The following PSPC1 variants were observed in gnomAD, a reference collection of about 807,000 sequenced individuals.
The protein encoded by PSPC1 is paraspeckle protein 1.
PSPC1 carries 14 observed loss-of-function variants against 51.6 expected under a neutral mutation model. The ratio of observed to expected loss-of-function variants is 0.27; its 90% CI spans 0.18 to 0.42. PSPC1 has a LOEUF of 0.42. PSPC1 is among the 10% of genes least tolerant of loss of function. The pLI, the probability that PSPC1 is intolerant of heterozygous loss-of-function variation, is 1.00. For missense variants in PSPC1, 406 were observed against 701.1 expected, an observed-to-expected ratio of 0.58 and a Z score of 4.75; for synonymous variants, 193 against 231.9, an observed-to-expected ratio of 0.83 and a Z score of 1.53.
chr13:19,689,153 G>C (rs1878272304), intron 6 of PSPC1, among the ~76,000 whole-genome samples: 1 of 152,184 alleles, frequency 6.6e-6, no homozygotes, highest in African/African-American at 2.4e-5. Context: ...ATCCAACCCA[G>C]AGAAGCACTG....
rs114194734 is a variant in PSPC1, at chr13:19,691,576, T to C, written c.1159-13753A>G. On this transcript the variant is annotated intron_variant and NMD_transcript_variant, in intron 6 of 7. Transcript: ENST00000471658. ...AATAAATATACTGATAAAATTGACA[T>C]GAATGAAAAGACTTGATGGGAAACT... is the stretch of plus-strand genomic sequence containing the variant. Among the ~76,000 whole-genome samples the C allele has an allele frequency of 2.2e-3, 338 of 151,922 alleles. 1 individual carries two copies. The highest frequency in any genetic ancestry group is 8.1e-3 in the African/African-American group (335 of 41,442).
At chr13:19,752,377 A>G (rs1185816308) in intron 3 of PSPC1, among the ~76,000 whole-genome samples, 1 of 152,160 alleles carries the variant, frequency 6.6e-6, no homozygotes, top group Non-Finnish European at 1.5e-5. Context: ...ATTACCAAAT[A>G]AAGGGCTATG....
At chr13:19,720,297 T>C (rs1882606899) in intron 6 of PSPC1, among the ~76,000 whole-genome samples, 1 of 152,142 alleles carries the variant, frequency 6.6e-6, no homozygotes, top group African/African-American at 2.4e-5. Flanking sequence ...CCATCATAAC[T>C]GGCCAGGTCA....
chr13:19,751,503 T>G (rs541200300), intron 3 of PSPC1, 36 bp from the exon 4 acceptor site: 2 of 1,382,752 alleles, frequency 1.4e-6, no homozygotes, highest in African/African-American at 2.9e-5. Flanking sequence ...AATGTATGCT[T>G]AAAAGGTAAA....
downstream of PSPC1, chr13:19,672,113 CAT>C (rs2137549825): frequency 2.1e-6 from 1 of 478,772 alleles, no homozygotes; most frequent in Non-Finnish European, 3.7e-6. Flanking sequence ...GTGGATAGTA[CAT>C]ATGAGGATTA....
intron 6 of PSPC1, among the ~76,000 whole-genome samples, chr13:19,710,513 A>G (rs1404136251): frequency 1.3e-5 from 2 of 152,232 alleles, no homozygotes. Flanking sequence ...TGTTTAAAGA[A>G]AGCATAATTA....
rs559720540 is a variant in PSPC1, at chr13:19,766,787, TGAGGCTGCAAC to T, written c.674+5444_674+5454del. On this transcript the variant is annotated intron_variant, in intron 2 of 8. Coordinates refer to ENST00000338910, the MANE Select transcript of PSPC1 (RefSeq NM_001354909.2). ...GGAGGATGACTTGAGCCTAGCAGGT[TGAGGCTGCAAC>T]GAGCTGTGATAATGCCACTGCGCTC... 4.5e-3 allele frequency among the ~76,000 whole-genome samples: 687 copies of T among 151,546 alleles called. 5 individuals are homozygous for T. The highest frequency in any genetic ancestry group is 0.027 in the South Asian group (128 of 4,820).
At chr13:19,715,621 C>T (rs970179256) in intron 6 of PSPC1, among the ~76,000 whole-genome samples, 3 of 152,266 alleles carry the variant, frequency 2.0e-5, no homozygotes, top group East Asian at 1.9e-4. Context: ...CTGAGCCAGG[C>T]ATAGTGGTTC....
chr13:19,736,421 A>C (rs145173572), intron 5 of PSPC1, among the ~76,000 whole-genome samples: 8,040 of 152,038 alleles, frequency 0.053, 286 homozygotes, highest in South Asian at 0.12. Context: ...CAGTGGCTCA[A>C]GCCTGTAATC....
chr13:19,704,414 C>A (rs1271933318), intron 8 of PSPC1, among the ~76,000 whole-genome samples: 4 of 152,274 alleles, frequency 2.6e-5, no homozygotes, highest in African/African-American at 9.6e-5. Flanking sequence ...ATGCTGCATT[C>A]AACTCTAAGA....
chr13:19,742,054 C>G (rs1356189068), intron 4 of PSPC1, among the ~76,000 whole-genome samples: 1 of 152,160 alleles, frequency 6.6e-6, no homozygotes, highest in Admixed American at 6.5e-5. Context: ...ATCACTTGAA[C>G]CCGGGAGGTG....
intron 6 of PSPC1, among the ~76,000 whole-genome samples, chr13:19,679,480 A>C (rs1439803347): frequency 2.6e-5 from 4 of 152,186 alleles, no homozygotes; most frequent in Non-Finnish European, 5.9e-5. Context: ...TGGGCTACAG[A>C]GCAAGACCCT....
At chr13:19,721,707 T>C (rs1440265899) in intron 6 of PSPC1, among the ~76,000 whole-genome samples, 2 of 152,204 alleles carry the variant, frequency 1.3e-5, no homozygotes, top group Non-Finnish European at 2.9e-5. Context: ...GCACTATGTT[T>C]TGAATACAGG....
At chr13:19,683,072 GA>G (rs1452161297) in intron 6 of PSPC1, among the ~76,000 whole-genome samples, 1 of 150,860 alleles carries the variant, frequency 6.6e-6, no homozygotes, top group African/African-American at 2.4e-5. Flanking sequence ...TGTCTCAAAA[GA>G]AAAAAAGAAA....
Position 19,782,386 on chromosome 13 carries a change from C to A in PSPC1, c.372G>T (p.Leu124Phe). Residue 124 changes from leucine (L) to phenylalanine (F), a missense_variant and splice_region_variant, in exon 1 of 9, where the codon TTG becomes TTT. Physicochemically the swap from Leu to Phe is conservative, Grantham distance 22 (BLOSUM62 0). Transcript: ENST00000338910. This position sits in a 1 kb window ranked among gnomAD's most constrained non-coding sequence, Gnocchi z 4.5. ...NRDRGFGFIRLESRTLAEIAK... is the reference protein window; with the variant it reads ...NRDRGFGFIRFESRTLAEIAK... ...CCTCGCGCGGGCGCCTGACACTCAC[C>A]AAGCGGATGAAGCCGAAGCCACGGT... 2 of 1,584,168 alleles carry A rather than the reference C, an allele frequency of 1.3e-6. No individual in the cohort carries two copies. Among genetic ancestry groups the A allele is most frequent in the South Asian group, 1.1e-5 (1 of 88,154 alleles).
At chr13:19,714,722 T>G (rs1454461213) in intron 6 of PSPC1, among the ~76,000 whole-genome samples, 1 of 152,116 alleles carries the variant, frequency 6.6e-6, no homozygotes, top group Non-Finnish European at 1.5e-5. Context: ...CTTGAACTCC[T>G]GAGCTCAAGT....
intron 6 of PSPC1, among the ~76,000 whole-genome samples, chr13:19,696,442 CAATTT>C (rs768231883): frequency 2.0e-5 from 3 of 151,770 alleles, no homozygotes; most frequent in South Asian, 4.2e-4. Context: ...CATTATGAAC[CAATTT>C]AATTTTTTAT....
At chr13:19,683,252 A>C (rs773875838) in intron 6 of PSPC1, among the ~76,000 whole-genome samples, 2 of 152,176 alleles carry the variant, frequency 1.3e-5, no homozygotes, top group Non-Finnish European at 2.9e-5. Context: ...CCAAAAATAA[A>C]AACTGCCCCA....
chr13:19,777,537 A>G (rs1889293114), intron 1 of PSPC1, among the ~76,000 whole-genome samples: 1 of 152,130 alleles, frequency 6.6e-6, no homozygotes, highest in African/African-American at 2.4e-5. Context: ...AATGTTCAAA[A>G]TGTAATGATT....
Sources: allele counts gnomAD v4.1 joint callset (sites outside exome capture counted in the v4.1 genomes callset), GRCh38; gene constraint gnomAD v4.1.1; non-coding constraint Gnocchi (gnomAD v3.1); transcripts MANE v1.5; gene names NCBI Gene and HGNC (gene_info 2026-07-23, HGNC 2026-07-21).